Variants in FCHSD2 observed in about 807,000 individuals in gnomAD.
FCHSD2 encodes FCH and double SH3 domains 2.
In FCHSD2, 38 loss-of-function variants were observed where a neutral mutation model predicts 108.1. The ratio of observed to expected loss-of-function variants is 0.35; its 90% CI spans 0.27 to 0.46. FCHSD2 has a LOEUF of 0.46. Ranked by LOEUF, FCHSD2 falls within the 20% of genes least tolerant of loss-of-function variation. FCHSD2 has a pLI of 1.00. For missense variants in FCHSD2, 751 were observed against 897.8 expected, an observed-to-expected ratio of 0.84 and a Z score of 2.09; for synonymous variants, 279 against 314.7, an observed-to-expected ratio of 0.89 and a Z score of 1.20.
chr11:72,861,749 G>A (rs1316310804), intron 13 of FCHSD2, among the ~76,000 whole-genome samples: 1 of 152,030 alleles, frequency 6.6e-6, no homozygotes, highest in East Asian at 1.9e-4. Context: ...GACCGACATA[G>A]AGAAACCCTA....
chr11:72,988,033 G>A (rs187660527), intron 6 of FCHSD2, among the ~76,000 whole-genome samples: 12 of 152,248 alleles, frequency 7.9e-5, no homozygotes, highest in African/African-American at 1.7e-4. Flanking sequence ...TTGATAAACC[G>A]CGGAGCCCCT....
chr11:73,018,080 A>G (rs1401305692), intron 3 of FCHSD2, among the ~76,000 whole-genome samples: 2 of 152,238 alleles, frequency 1.3e-5, no homozygotes, highest in Admixed American at 6.5e-5. Context: ...TGTATTTTAA[A>G]TAATAGATGC....
At chr11:72,952,471 T>C (rs748724466) in intron 8 of FCHSD2, among the ~76,000 whole-genome samples, 3 of 151,996 alleles carry the variant, frequency 2.0e-5, no homozygotes, top group Admixed American at 6.6e-5. Flanking sequence ...ATTACAGGCA[T>C]GTGTCACCAC....
At chr11:73,131,412 C>T (rs1860998021) in intron 2 of FCHSD2, among the ~76,000 whole-genome samples, 1 of 151,790 alleles carries the variant, frequency 6.6e-6, no homozygotes, top group South Asian at 2.1e-4. Context: ...ACCTGTAGTC[C>T]CACCTACTCA....
intron 3 of FCHSD2, among the ~76,000 whole-genome samples, chr11:73,029,601 T>C (rs1277561404): frequency 6.6e-6 from 1 of 152,162 alleles, no homozygotes; most frequent in East Asian, 1.9e-4. Flanking sequence ...CTGCTTATGA[T>C]TGTGGAGGTG....
chr11:72,883,134 C>T (rs1196292654), intron 12 of FCHSD2, among the ~76,000 whole-genome samples: 1 of 152,088 alleles, frequency 6.6e-6, no homozygotes, highest in East Asian at 1.9e-4. Context: ...AACAAAAAAA[C>T]CAAACATGAC....
Position 72,853,736 on chromosome 11 carries a change from T to A in FCHSD2, c.1309-3847A>T, listed in dbSNP as rs555856751. Reference sequence around the variant, plus strand: ...AAAAAAACAGATAAATTGAACCTTATCAAAATAAAAAATATGTATGCATCA... The same window carrying A: ...AAAAAAACAGATAAATTGAACCTTAACAAAATAAAAAATATGTATGCATCA... On this transcript the variant is annotated intron_variant, in intron 13 of 19. Coordinates refer to ENST00000409418, the MANE Select transcript of FCHSD2 (RefSeq NM_014824.3). 3.9e-5 allele frequency among the ~76,000 whole-genome samples: 6 copies of A among 152,066 alleles called. No individual in the cohort carries two copies. The South Asian group carries it at 6.2e-4, about 16-fold the overall frequency.
intron 2 of FCHSD2, among the ~76,000 whole-genome samples, chr11:73,112,791 G>T (rs940683215): frequency 1.3e-5 from 2 of 152,152 alleles, no homozygotes; most frequent in South Asian, 4.2e-4. Flanking sequence ...TGGGGTTACA[G>T]GCATACACTA....
intron 5 of FCHSD2, among the ~76,000 whole-genome samples, chr11:72,991,294 C>A (rs967598818): frequency 6.6e-6 from 1 of 152,148 alleles, no homozygotes; most frequent in Admixed American, 6.5e-5. Context: ...CAAGGAGGAG[C>A]TGGTACCATT....
chr11:73,053,648 T>C (rs763833178), intron 3 of FCHSD2, among the ~76,000 whole-genome samples: 2 of 152,224 alleles, frequency 1.3e-5, no homozygotes, highest in Non-Finnish European at 2.9e-5. Flanking sequence ...CAAATCTATG[T>C]CATATTAAAA....
chr11:72,958,888 C>T (rs1041498914), intron 8 of FCHSD2, among the ~76,000 whole-genome samples: 4 of 152,146 alleles, frequency 2.6e-5, no homozygotes, highest in Admixed American at 6.5e-5. Flanking sequence ...AAACAACTTA[C>T]CCATTTCCAT....
intron 3 of FCHSD2, among the ~76,000 whole-genome samples, chr11:73,032,502 A>G (rs1162005901): frequency 6.6e-6 from 1 of 152,138 alleles, no homozygotes; most frequent in African/African-American, 2.4e-5. Flanking sequence ...CTAGGATTAC[A>G]GGTGTGAGCC....
At chr11:73,116,357 T>C (rs867601912) in intron 2 of FCHSD2, among the ~76,000 whole-genome samples, 9 of 152,364 alleles carry the variant, frequency 5.9e-5, no homozygotes, top group African/African-American at 2.2e-4. Flanking sequence ...TTTGATTGCT[T>C]GTACTGTCCT....
At chr11:72,948,668 T>C (rs1474055369) in intron 8 of FCHSD2, among the ~76,000 whole-genome samples, 3 of 4,420 alleles carry the variant, frequency 6.8e-4, no homozygotes, top group Non-Finnish European at 1.5e-3. Context: ...ATAATTTTCA[T>C]TTCTTTTTTT....
chr11:73,002,970 A>G (rs1857656523), intron 4 of FCHSD2, among the ~76,000 whole-genome samples: 1 of 152,254 alleles, frequency 6.6e-6, no homozygotes, highest in Admixed American at 6.5e-5. Context: ...GCAAATAAAG[A>G]ATGGTTACAA....
intron 18 of FCHSD2, 148 bp downstream of exon 18, chr11:72,841,305 TG>T: frequency 1.3e-6 from 1 of 762,632 alleles, no homozygotes; most frequent in Non-Finnish European, 1.9e-6. Flanking sequence ...AACTCCAGCC[TG>T]GGTGTCCAGC....
At chr11:73,057,935 A>T (rs1026997853) in intron 3 of FCHSD2, among the ~76,000 whole-genome samples, 1 of 149,070 alleles carries the variant, frequency 6.7e-6, no homozygotes, top group African/African-American at 2.5e-5. Context: ...GCTGGAGTGC[A>T]GTGGCACGAT....
At chr11:72,874,727 T>C (rs1252731615) in intron 12 of FCHSD2, among the ~76,000 whole-genome samples, 2 of 152,226 alleles carry the variant, frequency 1.3e-5, no homozygotes, top group South Asian at 4.1e-4. Flanking sequence ...CAACTCAGAT[T>C]TAGACTGCAG....
chr11:72,921,879 T>G lies in FCHSD2; in HGVS notation c.777A>C (p.Thr259=), dbSNP rs372987922. The change falls in exon 9 of 20, where the codon ACA becomes ACC. Residue 259 remains threonine (T), a synonymous_variant. Transcript: ENST00000409418. ...GGAATGTGTTCTGCACAGCTTGGCA[T>G]GTTTCTAGCTCAGTCCGGCTGAAGG... The part of the protein sequence containing the change: ...LIAFSRTELE[T]CQAVQNTFQF... 1 of 1,608,814 alleles carries G rather than the reference T, an allele frequency of 6.2e-7. No homozygotes were observed. The highest frequency in any genetic ancestry group is 8.5e-7 in the Non-Finnish European group (1 of 1,176,838).
Sources: gnomAD v4.1 joint callset for allele counts (sites outside exome capture counted in the v4.1 genomes callset) on GRCh38, gnomAD v4.1.1 for gene constraint, MANE v1.5 for transcripts, NCBI Gene and HGNC (gene_info 2026-07-23, HGNC 2026-07-21) for gene names.